Variants in SPIRE1 observed in about 807,000 individuals in gnomAD.
SPIRE1 encodes spire type actin nucleation factor 1.
A neutral mutation model predicts 94.1 loss-of-function variants in SPIRE1; 40 were observed. That is an observed-to-expected ratio of 0.43 (90% CI 0.33 to 0.55). SPIRE1 has a LOEUF of 0.55. SPIRE1 is among the 20% of genes least tolerant of loss of function. SPIRE1 has a pLI of 0.06. For missense variants in SPIRE1, 838 were observed against 975.2 expected (o/e 0.86, Z 1.87); for synonymous variants, 376 against 371.7 (o/e 1.01, Z -0.13).
chr18:12,616,599 A>C (rs2037314732), intron 2 of SPIRE1, among the ~76,000 whole-genome samples: 1 of 152,208 alleles, frequency 6.6e-6, no homozygotes, highest in African/African-American at 2.4e-5. Flanking sequence ...ATCTACTAAG[A>C]TCCTTTGAGA....
chr18:12,543,654 G>C (rs2035073619), intron 3 of SPIRE1, among the ~76,000 whole-genome samples: 1 of 152,148 alleles, frequency 6.6e-6, no homozygotes, highest in Non-Finnish European at 1.5e-5. Context: ...CAAATTATTA[G>C]ATTACTTGAA....
chr18:12,504,277 T>C (rs1598418746), intron 6 of SPIRE1, among the ~76,000 whole-genome samples: 1 of 146,524 alleles, frequency 6.8e-6, no homozygotes, highest in South Asian at 2.1e-4. Flanking sequence ...GAGGCTGAGG[T>C]GGGCAGATCA....
At chr18:12,600,234 A>AG (rs2036795570) in intron 2 of SPIRE1, among the ~76,000 whole-genome samples, 1 of 152,106 alleles carries the variant, frequency 6.6e-6, no homozygotes. Flanking sequence ...CTGACACCTG[A>AG]ATTAGAATCT....
intron 2 of SPIRE1, among the ~76,000 whole-genome samples, chr18:12,626,902 T>G (rs1202229312): frequency 7.6e-6 from 1 of 131,340 alleles, no homozygotes; most frequent in Non-Finnish European, 1.7e-5. Context: ...TTTTTTTTTT[T>G]GCCCAGAGGA....
intron 2 of SPIRE1, among the ~76,000 whole-genome samples, chr18:12,551,144 ATGTT>A (rs2035335857): frequency 6.6e-6 from 1 of 152,168 alleles, no homozygotes. Flanking sequence ...TCAAACCATA[ATGTT>A]TGTTTATTGT....
chr18:12,618,798 T>C (rs1165806232), intron 2 of SPIRE1, among the ~76,000 whole-genome samples: 4 of 152,242 alleles, frequency 2.6e-5, no homozygotes, highest in Non-Finnish European at 5.9e-5. Flanking sequence ...AATATTTAAA[T>C]ATTCTCTCAT....
chr18:12,492,521 T>C lies in SPIRE1; in HGVS notation c.1189+551A>G, dbSNP rs76263255. 6.3e-3 allele frequency among the ~76,000 whole-genome samples: 964 copies of C among 152,326 alleles called. 9 individuals are homozygous for C. Among genetic ancestry groups the C allele is most frequent in the African/African-American group, 0.022 (905 of 41,548 alleles). On this transcript the variant is annotated intron_variant, in intron 8 of 16. Transcript: ENST00000409402. ...TAAGTAATATCCGGTAATAACATGCTTTCATGACATAATATTACGGGTATC... is the reference window on the plus strand; with the variant it reads ...TAAGTAATATCCGGTAATAACATGCCTTCATGACATAATATTACGGGTATC...
At chr18:12,496,196 T>C (rs1419177870) in intron 6 of SPIRE1, 94 bp from the exon 7 acceptor site, 11 of 796,068 alleles carry the variant, frequency 1.4e-5, no homozygotes, top group Non-Finnish European at 2.3e-5. Context: ...GCCATAAAAT[T>C]AGTGAAGTGT....
At chr18:12,576,399 T>C (rs906636374) in intron 2 of SPIRE1, among the ~76,000 whole-genome samples, 5 of 150,926 alleles carry the variant, frequency 3.3e-5, no homozygotes, top group African/African-American at 9.7e-5. Context: ...CTGGCCGACA[T>C]AGCGAAATCT....
At chr18:12,485,818 T>C (rs2033016292) in intron 9 of SPIRE1, 141 bp downstream of exon 9, 3 of 647,734 alleles carry the variant, frequency 4.6e-6, no homozygotes, top group African/African-American at 3.8e-5. Flanking sequence ...ACAAGCAGAA[T>C]GTTTTATTTT....
At chr18:12,575,083 C>T (rs760411502) in intron 2 of SPIRE1, among the ~76,000 whole-genome samples, 6 of 152,002 alleles carry the variant, frequency 3.9e-5, no homozygotes, top group Non-Finnish European at 7.4e-5. Flanking sequence ...TGAGACAGGG[C>T]AGAGGTAGGT....
chr18:12,505,161 A>G (rs1039241746), intron 6 of SPIRE1, among the ~76,000 whole-genome samples: 18 of 152,124 alleles, frequency 1.2e-4, no homozygotes, highest in Non-Finnish European at 2.6e-4. Flanking sequence ...TGTTTTTGGG[A>G]AAAATAGATT....
At chr18:12,450,118 T>G (rs895228684) in intron 16 of SPIRE1, among the ~76,000 whole-genome samples, 5 of 151,544 alleles carry the variant, frequency 3.3e-5, no homozygotes, top group Non-Finnish European at 4.4e-5. Flanking sequence ...CTCACGCCTG[T>G]AATCCCAGCA....
chr18:12,452,209 T>G (rs758186948), intron 16 of SPIRE1, 46 bp downstream of exon 16: 2 of 1,610,394 alleles, frequency 1.2e-6, no homozygotes, highest in Non-Finnish European at 1.7e-6. Flanking sequence ...AGAGTAGAAC[T>G]CTTCTTCTGC....
chr18:12,469,895 A>T (rs998481710), intron 10 of SPIRE1, among the ~76,000 whole-genome samples: 2 of 151,672 alleles, frequency 1.3e-5, no homozygotes, highest in African/African-American at 4.8e-5. Flanking sequence ...CTCAAGATTT[A>T]AAAATAACAT....
At chr18:12,484,655 A>G (rs374874610) in intron 9 of SPIRE1, among the ~76,000 whole-genome samples, 1 of 152,340 alleles carries the variant, frequency 6.6e-6, no homozygotes, top group East Asian at 1.9e-4. Flanking sequence ...GAAAATCCCA[A>G]AAGAAAATAT....
chr18:12,640,670 A>C lies in SPIRE1; in HGVS notation c.338-5574T>G, dbSNP rs143088771. ...AGGTAAGATTCCTCCAAAAGATGAT[A>C]TTTAAACAGAGACCTTGAAGCTGGG... is the stretch of plus-strand genomic sequence containing the variant. On this transcript the variant is annotated intron_variant, in intron 1 of 16. Transcript: ENST00000409402. Among the ~76,000 whole-genome samples, 329 of 152,332 alleles carry C rather than the reference A, an allele frequency of 2.2e-3. 2 individuals carry two copies. The highest frequency in any genetic ancestry group is 7.3e-3 in the African/African-American group (303 of 41,574).
rs1258650236 is a variant in SPIRE1 at position 12,559,031 on chromosome 18, T to C, written c.373-12127A>G. Among the ~76,000 whole-genome samples, 1 of 152,194 alleles carries C rather than the reference T, an allele frequency of 6.6e-6. No homozygotes were observed. Among genetic ancestry groups the C allele is most frequent in the African/African-American group, 2.4e-5 (1 of 41,464 alleles). On this transcript the variant is annotated intron_variant, in intron 2 of 16. Transcript: ENST00000409402. This position sits in a 1 kb window ranked among gnomAD's most constrained non-coding sequence, Gnocchi z 4.7. ...CCAGCTGGCTTCCCCTAGTGGATCC[T>C]GCACCAGGGCGGCGGGCAGAGGTGC... is the stretch of plus-strand genomic sequence containing the variant.
chr18:12,564,161 C>T (rs1436639850), intron 2 of SPIRE1, among the ~76,000 whole-genome samples: 1 of 152,038 alleles, frequency 6.6e-6, no homozygotes, highest in Non-Finnish European at 1.5e-5. Flanking sequence ...ATTAAAGGGT[C>T]CCAGCTCTAT....
Sources: gnomAD v4.1 joint callset for allele counts (sites outside exome capture counted in the v4.1 genomes callset) on GRCh38, gnomAD v4.1.1 for gene constraint, Gnocchi (gnomAD v3.1) non-coding constraint, MANE v1.5 for transcripts, NCBI Gene and HGNC (gene_info 2026-07-23, HGNC 2026-07-21) for gene names.